Variants in CFAP43 observed in about 807,000 individuals in gnomAD.
CFAP43 encodes cilia- and flagella-associated protein 43.
Under a neutral mutation model 218.9 loss-of-function variants are expected in CFAP43, and 155 were observed. That is an observed-to-expected ratio of 0.71 (90% CI 0.62 to 0.81). The LOEUF (loss-of-function observed/expected upper bound fraction) is 0.81, where lower values mean the gene tolerates loss of function less well. CFAP43 is among the 30% of genes least tolerant of loss of function. The pLI, the probability that CFAP43 is intolerant of heterozygous loss-of-function variation, is 0.00. For missense variants in CFAP43, 1,778 were observed against 1,954.3 expected (o/e 0.91, Z 1.70); for synonymous variants, 645 against 681.3 (o/e 0.95, Z 0.83).
chr10:104,159,926 T>C (rs1290890469), intron 27 of CFAP43, among the ~76,000 whole-genome samples: 3 of 152,124 alleles, frequency 2.0e-5, no homozygotes, highest in African/African-American at 2.4e-5. Context: ...CGCATTCAAG[T>C]GTGAGAGCAC....
chr10:104,132,879 A>T (rs1051754099), intron 35 of CFAP43: 8 of 797,320 alleles, frequency 1.0e-5, no homozygotes, highest in Non-Finnish European at 1.2e-5. Flanking sequence ...TTCATGGGAA[A>T]ATGATCACAT....
At chr10:104,164,398 A>ATT in intron 23 of CFAP43, 98 bp from the exon 24 acceptor site, 4 of 1,053,382 alleles carry the variant, frequency 3.8e-6, no homozygotes, top group Middle Eastern at 3.2e-4. Context: ...TCATTCCACA[A>ATT]ATTTTTTTTT....
intron 13 of CFAP43, among the ~76,000 whole-genome samples, chr10:104,187,947 T>G (rs905146654): frequency 6.6e-6 from 1 of 152,248 alleles, no homozygotes; most frequent in Non-Finnish European, 1.5e-5. Flanking sequence ...TGAAGGGAAC[T>G]ACACTGTAAT....
chr10:104,162,116 C>G (rs2088907193), intron 25 of CFAP43, 75 bp from the exon 26 acceptor site: 1 of 1,448,376 alleles, frequency 6.9e-7, no homozygotes, highest in Non-Finnish European at 9.6e-7. Context: ...GAGGCAGCTT[C>G]CCACCCAACA....
chr10:104,164,667 G>A (rs1035095991), intron 23 of CFAP43, among the ~76,000 whole-genome samples: 2 of 152,082 alleles, frequency 1.3e-5, no homozygotes, highest in Admixed American at 6.5e-5. Context: ...CAAAGTGCTG[G>A]GATTACAGGC....
intron 16 of CFAP43, among the ~76,000 whole-genome samples, 188 bp from the exon 17 acceptor site, chr10:104,182,701 TC>T (rs1157865845): frequency 2.0e-5 from 3 of 152,116 alleles, no homozygotes; most frequent in Admixed American, 2.0e-4. Context: ...CAGAATTTCT[TC>T]TTTTTTTTTT....
At chr10:104,146,214 C>G (rs2087959967) in intron 30 of CFAP43, 49 bp downstream of exon 30, 1 of 1,456,230 alleles carries the variant, frequency 6.9e-7, no homozygotes, top group Admixed American at 1.7e-5. Flanking sequence ...CCAATCCAGG[C>G]AGCAACAACT....
rs186930536 is a variant in CFAP43, at chr10:104,142,816, T to C, written c.4159-423A>G. Among the ~76,000 whole-genome samples, 12 of 152,288 alleles carry C rather than the reference T, an allele frequency of 7.9e-5. No homozygotes were observed. In the East Asian group the frequency reaches 9.6e-4, roughly 12 times the overall value. The stretch of plus-strand genomic sequence containing the variant: ...AAAGACCCTCTTAAATTTTTACTCG[T>C]TGCCACATTCTAGCAAAACTATAAA... On this transcript the variant is annotated intron_variant, in intron 32 of 37. Transcript: ENST00000357060.
intron 12 of CFAP43, among the ~76,000 whole-genome samples, 182 bp downstream of exon 12, chr10:104,192,017 C>T (rs1307118883): frequency 6.6e-6 from 1 of 152,020 alleles, no homozygotes; most frequent in African/African-American, 2.4e-5. Flanking sequence ...CTCTAATATT[C>T]CAAATACATC....
At chr10:104,213,493 C>T (rs752495110) in intron 4 of CFAP43, among the ~76,000 whole-genome samples, 4 of 152,166 alleles carry the variant, frequency 2.6e-5, no homozygotes, top group Non-Finnish European at 5.9e-5. Context: ...CTCCACTATA[C>T]ACAACTACCC....
intron 27 of CFAP43, among the ~76,000 whole-genome samples, chr10:104,154,519 G>A (rs535770981): frequency 2.0e-4 from 30 of 152,238 alleles, no homozygotes; most frequent in Non-Finnish European, 3.2e-4. Flanking sequence ...TCATAGCCAC[G>A]GAAAAGTCCC....
chr10:104,134,488 T>A (rs529373037), intron 34 of CFAP43, among the ~76,000 whole-genome samples: 1 of 152,180 alleles, frequency 6.6e-6, no homozygotes, highest in South Asian at 2.1e-4. Context: ...TGACAAACCT[T>A]TAGCTAGACT....
At chr10:104,196,571 G>A (rs2090387266) in intron 10 of CFAP43, among the ~76,000 whole-genome samples, 1 of 152,138 alleles carries the variant, frequency 6.6e-6, no homozygotes, top group Non-Finnish European at 1.5e-5. Flanking sequence ...AATCCACAAT[G>A]AACTTATGGC....
chr10:104,143,622 G>A lies in CFAP43; in HGVS notation c.3962C>T (p.Thr1321Met), dbSNP rs1454679391. Residue 1321 changes from threonine to methionine, a missense_variant, in exon 32 of 38, where the codon ACG becomes ATG. By Grantham distance (81) the Thr-to-Met change is moderately conservative. Coordinates refer to ENST00000357060, the MANE Select transcript of CFAP43 (RefSeq NM_025145.7). ...KRRPRISKQK[T>M]HSETTSVVPF... ...GACAACGCTGGTTGTTTCTGAGTGC[G>A]TTTTCTGTTTGGAAATCCTGGTATT... The A allele has an allele frequency of 9.9e-6, 16 of 1,613,998 alleles. No homozygotes were observed. The highest frequency in any genetic ancestry group is 1.3e-5 in the African/African-American group (1 of 75,036).
intron 1 of CFAP43, 137 bp from the exon 2 acceptor site, chr10:104,230,980 G>T: frequency 2.1e-6 from 2 of 935,634 alleles, no homozygotes. Context: ...TAAGATAAAA[G>T]AACACACATG....
intron 28 of CFAP43, 48 bp downstream of exon 28, chr10:104,152,558 AG>A: frequency 6.2e-7 from 1 of 1,602,096 alleles, no homozygotes; most frequent in Non-Finnish European, 8.5e-7. Flanking sequence ...GAACCATGGA[AG>A]GGCCCTGCAA....
intron 2 of CFAP43, among the ~76,000 whole-genome samples, chr10:104,229,418 G>A (rs2091389037): frequency 1.3e-5 from 2 of 151,602 alleles, no homozygotes; most frequent in Non-Finnish European, 2.9e-5. Context: ...TTTGGGAGGC[G>A]GAGGTGGGTG....
chr10:104,156,367 C>G (rs1217487523), intron 27 of CFAP43, among the ~76,000 whole-genome samples: 2 of 152,054 alleles, frequency 1.3e-5, no homozygotes, highest in Non-Finnish European at 2.9e-5. Context: ...AAAAAAAAAG[C>G]TACTAGGAAA....
At chr10:104,176,070 T>A (rs2089619472) in intron 19 of CFAP43, among the ~76,000 whole-genome samples, 1 of 152,156 alleles carries the variant, frequency 6.6e-6, no homozygotes, top group African/African-American at 2.4e-5. Flanking sequence ...CAATTTTTTT[T>A]AAAGAAGGGC....
Sources: gnomAD v4.1 joint callset for allele counts (sites outside exome capture counted in the v4.1 genomes callset) on GRCh38, gnomAD v4.1.1 for gene constraint, MANE v1.5 for transcripts, NCBI Gene and HGNC (gene_info 2026-07-23, HGNC 2026-07-21) for gene names.